Variants in PDGFRA observed in about 807,000 individuals in gnomAD.
PDGFRA encodes platelet-derived growth factor receptor alpha.
In PDGFRA, 25 loss-of-function variants were observed where a neutral mutation model predicts 121.5. The observed-to-expected ratio is 0.21, with a 90% CI of 0.15 to 0.29. PDGFRA has a LOEUF of 0.29. Among genes scored for constraint, PDGFRA ranks in the 10% least tolerant of loss-of-function variants. The pLI, the probability that PDGFRA is intolerant of heterozygous loss-of-function variation, is 1.00. For missense variants in PDGFRA, 1,008 were observed against 1,345.1 expected (o/e 0.75, Z 3.92); for synonymous variants, 463 against 494.8 (o/e 0.94, Z 0.85).
chr4:54,295,448 T>C lies in PDGFRA; in HGVS notation c.*176T>C. On this transcript the variant is annotated 3_prime_UTR_variant, in exon 23 of 23. Transcript: ENST00000257290. The stretch of plus-strand genomic sequence containing the variant: ...TATGAATGAATGGGATATTTTGAAA[T>C]GAACTTTGTCAGTGTTGCCTCTTGC... The C allele has an allele frequency of 1.6e-6, 1 of 626,842 alleles. No homozygotes were observed. The highest frequency in any genetic ancestry group is 2.8e-6 in the Non-Finnish European group (1 of 355,268). 38.8% of individuals were successfully genotyped at this position (626,842 alleles called of 1,614,324 possible).
intron 1 of PDGFRA, among the ~76,000 whole-genome samples, 163 bp downstream of exon 1, chr4:54,229,578 A>C (rs1316885204): frequency 6.6e-6 from 1 of 151,250 alleles, no homozygotes; most frequent in African/African-American, 2.4e-5. Flanking sequence ...TTTTCGGAAT[A>C]AACTTCACTT....
chr4:54,255,121 G>A (rs1331219546), intron 1 of PDGFRA, among the ~76,000 whole-genome samples: 1 of 152,094 alleles, frequency 6.6e-6, no homozygotes, highest in Non-Finnish European at 1.5e-5. Flanking sequence ...GTGTGACCTT[G>A]GGTCATTTGC....
Position 54,274,519 on chromosome 4 carries a change from CTT to C in PDGFRA, c.1559-11_1559-10del, listed in dbSNP as rs781469947. Reference sequence around the variant, plus strand: ...GAAACTTTTCATTGTGCCTCTCTCTCTTGTCACGTAGCCCTGCGTTCTGAACT... The same window carrying C: ...GAAACTTTTCATTGTGCCTCTCTCTCGTCACGTAGCCCTGCGTTCTGAACT... On this transcript the variant is annotated splice_polypyrimidine_tract_variant and intron_variant, in intron 10 of 22. Transcript: ENST00000257290. 69 of 1,603,818 alleles carry C rather than the reference CTT, an allele frequency of 4.3e-5. 1 individual carries two copies. The Admixed American group carries it at 4.5e-4, about 10-fold the overall frequency.
chr4:54,237,126 G>A (rs771367081), intron 1 of PDGFRA, among the ~76,000 whole-genome samples: 1 of 152,092 alleles, frequency 6.6e-6, no homozygotes, highest in Non-Finnish European at 1.5e-5. Flanking sequence ...CTGCCGCCAT[G>A]CCTGGCTAAT....
Position 54,265,060 on chromosome 4 carries a change from T to A in PDGFRA, c.759+11T>A, listed in dbSNP as rs2110258847. The A allele has an allele frequency of 6.2e-7, 1 of 1,613,348 alleles. No homozygotes were observed. ...TACCCTGGAGAAGTGGTAGGTACCC[T>A]CAAAACGTGCAATGGCTTGGAGCAG... On this transcript the variant is annotated intron_variant, in intron 5 of 22. Transcript: ENST00000257290.
At chr4:54,257,715 G>C (rs1560463953) in intron 1 of PDGFRA, among the ~76,000 whole-genome samples, 1 of 152,198 alleles carries the variant, frequency 6.6e-6, no homozygotes, top group South Asian at 2.1e-4. Flanking sequence ...GACTTCAAGG[G>C]AGAAATGAGG....
At chr4:54,268,731 A>G (rs1723172734) in intron 7 of PDGFRA, among the ~76,000 whole-genome samples, 1 of 152,232 alleles carries the variant, frequency 6.6e-6, no homozygotes, top group Non-Finnish European at 1.5e-5. Flanking sequence ...CTTTCTGTTG[A>G]CACAAAATGA....
chr4:54,244,715 G>A (rs991662461), intron 1 of PDGFRA, among the ~76,000 whole-genome samples: 10 of 152,230 alleles, frequency 6.6e-5, no homozygotes, highest in South Asian at 4.1e-4. Context: ...AAAGCTGGAC[G>A]GAGAATGACT....
At chr4:54,283,969 T>TA (rs1724191127) in intron 16 of PDGFRA, among the ~76,000 whole-genome samples, 2 of 152,212 alleles carry the variant, frequency 1.3e-5, no homozygotes, top group South Asian at 4.1e-4. Flanking sequence ...GACTGTAGGC[T>TA]ATTGGAAGCA....
chr4:54,235,685 G>A (rs546093913), intron 1 of PDGFRA, among the ~76,000 whole-genome samples: 21 of 152,316 alleles, frequency 1.4e-4, no homozygotes, highest in African/African-American at 4.3e-4. Context: ...GGAGGTAGGA[G>A]GTGCAGGGCA....
At position 54,274,594 on chromosome 4, in the gene PDGFRA, C is replaced by T. The variant is rs1723606312; in HGVS notation, c.1622C>T (p.Ser541Leu). 2.5e-6 allele frequency: 4 copies of T among 1,613,444 alleles called. No homozygotes were observed. Among genetic ancestry groups the T allele is most frequent in the Non-Finnish European group, 1.7e-6 (2 of 1,179,380 alleles). ...GTGCTGTTGGTGATTGTGATCATCTCACTTATTGTCCTGGTTGTCATTTGG... is the reference window on the plus strand; with the variant it reads ...GTGCTGTTGGTGATTGTGATCATCTTACTTATTGTCCTGGTTGTCATTTGG... The part of the protein sequence containing the change: ...VLVLLVIVII[S>L]LIVLVVIWKQ... Residue 541 changes from serine (S) to leucine (L), a missense_variant, in exon 11 of 23, where the codon TCA becomes TTA. Ser to Leu is a moderately radical substitution (Grantham distance 145). This residue lies in a region of PDGFRA where 575 missense variants were observed against 701.8 expected (regional missense o/e 0.82). Transcript: ENST00000257290.
At chr4:54,293,694 A>G (rs11936570) in intron 22 of PDGFRA, among the ~76,000 whole-genome samples, 151,860 of 152,284 alleles carry the variant, frequency 1, 75,720 homozygotes, top group Middle Eastern at 1. Context: ...GCCTCCCAAG[A>G]TGCTGGGATT....
At chr4:54,277,086 A>T (rs1723770674) in intron 12 of PDGFRA, 1 of 437,908 alleles carries the variant, frequency 2.3e-6, no homozygotes, top group Non-Finnish European at 4.2e-6. Context: ...AGAGGATCCC[A>T]GGGGCTGGCC....
chr4:54,261,927 ATATATT>A (rs562411224), intron 3 of PDGFRA, among the ~76,000 whole-genome samples: 27,087 of 79,832 alleles, frequency 0.34, 2,215 homozygotes, highest in East Asian at 0.41. Context: ...ATATATATAT[ATATATT>A]TTTTTTTTTT....
At chr4:54,287,740 T>C (rs562942979) in intron 19 of PDGFRA, among the ~76,000 whole-genome samples, 199 bp downstream of exon 19, 189 of 152,236 alleles carry the variant, frequency 1.2e-3, no homozygotes, top group South Asian at 3.9e-3. Flanking sequence ...GGGTTTTTGT[T>C]GGGGGTTGCG....
rs41279523 is a variant in PDGFRA at position 54,277,526 on chromosome 4, G to A, written c.1891+34G>A. The stretch of plus-strand genomic sequence containing the variant: ...TCCTTCCTGGGGATTTTTTGAGCAC[G>A]GGGATTTTTTGAGCATGGGGATATT... On this transcript the variant is annotated intron_variant, in intron 13 of 22. Coordinates refer to ENST00000257290, the MANE Select transcript of PDGFRA (RefSeq NM_006206.6). 1.2e-3 allele frequency: 1,787 copies of A among 1,450,956 alleles called. 4 individuals are homozygous for A. The highest frequency in any genetic ancestry group is 1.5e-3 in the Non-Finnish European group (1,531 of 1,031,744). The allele number at this position is 1,450,956 out of a possible 1,614,324, so 89.9% of individuals were successfully genotyped here. A position where few individuals can be genotyped will look rare whatever the true frequency, so the allele number is the denominator to read the frequency against.
intron 1 of PDGFRA, among the ~76,000 whole-genome samples, chr4:54,234,346 AT>A (rs1486719456): frequency 1.3e-5 from 2 of 152,176 alleles, no homozygotes; most frequent in Admixed American, 1.3e-4. Flanking sequence ...GGAAATTAAC[AT>A]TTGGGGTAGT....
intron 1 of PDGFRA, among the ~76,000 whole-genome samples, chr4:54,238,980 G>T (rs913837278): frequency 6.6e-6 from 1 of 151,890 alleles, no homozygotes; most frequent in Non-Finnish European, 1.5e-5. Flanking sequence ...CTCAAAAATA[G>T]ATAAATAAAT....
Position 54,278,731 on chromosome 4 carries a change from C to T in PDGFRA, c.2156+216C>T, listed in dbSNP as rs986073268. On this transcript the variant is annotated intron_variant, in intron 15 of 22. Transcript: ENST00000257290. ...TGGGGTGTCACATGGGAAGGCCTTG[C>T]TGATAGGTTTGAATGAGAGTGAGTT... is the stretch of plus-strand genomic sequence containing the variant. The T allele has an allele frequency of 9.1e-6, 6 of 660,930 alleles. No homozygotes were observed. The East Asian group carries it at 1.7e-4, about 19-fold the overall frequency. 40.9% of individuals were successfully genotyped at this position (660,930 alleles called of 1,614,324 possible). A position where few individuals can be genotyped will look rare whatever the true frequency, so the allele number is the denominator to read the frequency against.
Sources: allele counts gnomAD v4.1 joint callset (sites outside exome capture counted in the v4.1 genomes callset), GRCh38; gene constraint gnomAD v4.1.1; regional missense constraint gnomAD v4.1.1; transcripts MANE v1.5; gene names NCBI Gene and HGNC (gene_info 2026-07-23, HGNC 2026-07-21).